DHX16: variants seen among roughly 807,000 people sequenced by gnomAD.
DHX16 encodes DEAH-box helicase 16, also known as pre-mRNA-splicing factor ATP-dependent RNA helicase DHX16.
In DHX16, 81 loss-of-function variants were observed where a neutral mutation model predicts 131.2. The ratio of observed to expected loss-of-function variants is 0.62; its 90% CI spans 0.52 to 0.74. The LOEUF (loss-of-function observed/expected upper bound fraction) is 0.74. Ranked by LOEUF, DHX16 falls within the 30% of genes least tolerant of loss-of-function variation. The pLI, the probability that DHX16 is intolerant of heterozygous loss-of-function variation, is 0.00. For missense variants in DHX16, 980 were observed against 1,363.1 expected (o/e 0.72, Z 4.43); for synonymous variants, 440 against 520.2 (o/e 0.85, Z 2.10).
At position 30,657,021 on chromosome 6, in the gene DHX16, C is replaced by A; in HGVS notation, c.2079G>T (p.Gly693=). Residue 693 remains glycine, a synonymous_variant, in exon 13 of 20, where the codon GGG becomes GGT. Transcript: ENST00000376442. The part of the protein sequence containing the change: ...IEGIIYVLDP[G]FCKQKSYNPR... ...GGTTGTAGCTCTTCTGCTTACAGAA[C>A]CCTGGATCCAGCACATAAATGATGC... 1 of 1,613,030 alleles carries A rather than the reference C, an allele frequency of 6.2e-7. No homozygotes were observed. Among genetic ancestry groups the A allele is most frequent in the Non-Finnish European group, 8.5e-7 (1 of 1,180,016 alleles).
chr6:30,670,811 G>T lies in DHX16; in HGVS notation c.588C>A (p.Val196=). The part of the protein sequence containing the change: ...RQRDKDRTRN[V]LERSDKKAYE... ...TCACCTTCTTGTCTGACCGTTCCAG[G>T]ACATTTCGAGTCCGATCCTTGTCCC... The change falls in exon 3 of 20, where the codon GTC becomes GTA. Residue 196 remains valine, a synonymous_variant. Coordinates refer to ENST00000376442, the MANE Select transcript of DHX16 (RefSeq NM_003587.5). The surrounding 1 kb of genome is among the most constrained non-coding windows in gnomAD (Gnocchi z 4.4). 6.2e-7 allele frequency: 1 copy of T among 1,612,928 alleles called. No individual in the cohort carries two copies. The highest frequency in any genetic ancestry group is 8.5e-7 in the Non-Finnish European group (1 of 1,180,016).
chr6:30,661,705 AT>A, intron 9 of DHX16: 2 of 713,166 alleles, frequency 2.8e-6, no homozygotes, highest in Non-Finnish European at 5.2e-6. Context: ...CCAGGAACTC[AT>A]CCCCATCTTC....
At position 30,672,617 on chromosome 6, in the gene DHX16, C is replaced by G. The variant is rs879175921; in HGVS notation, c.207+18G>C. 2 of 1,600,760 alleles carry G rather than the reference C, an allele frequency of 1.2e-6. No individual in the cohort carries two copies. Among genetic ancestry groups the G allele is most frequent in the South Asian group, 2.2e-5 (2 of 90,740 alleles). On this transcript the variant is annotated intron_variant, in intron 1 of 19. Transcript: ENST00000376442. ...CACCGGGACAAATCACAGGGCCCCT[C>G]CCCACCCCTGCCGACACCTTGTTCC...
intron 19 of DHX16, among the ~76,000 whole-genome samples, chr6:30,654,492 G>A (rs1476967553): frequency 6.6e-6 from 1 of 151,644 alleles, no homozygotes; most frequent in Non-Finnish European, 1.5e-5. Context: ...AGAGGTTGCA[G>A]TGAGGCTAGA....
At chr6:30,661,877 CAAGGGATATGAAGGATAAAATCCTA>C (rs1204584957) in intron 9 of DHX16, 8 of 717,906 alleles carry the variant, frequency 1.1e-5, no homozygotes, top group Non-Finnish European at 2.1e-5. Flanking sequence ...AGATCTTTTG[CAAGGGATATGAAGGATAAAATCCTA>C]TCTGTCCAAT....
intron 4 of DHX16, among the ~76,000 whole-genome samples, chr6:30,668,167 TAGAGATA>T (rs1769211928): frequency 6.6e-6 from 1 of 152,186 alleles, no homozygotes; most frequent in Non-Finnish European, 1.5e-5. Flanking sequence ...CTGATGTACT[TAGAGATA>T]AAACGCCATG....
intron 9 of DHX16, among the ~76,000 whole-genome samples, chr6:30,661,083 G>A (rs1370645026): frequency 6.7e-6 from 1 of 149,876 alleles, no homozygotes; most frequent in Non-Finnish European, 1.5e-5. Context: ...ATTTTTAGTA[G>A]AGACGGAGTT....
intron 7 of DHX16, 25 bp downstream of exon 7, chr6:30,664,776 A>C: frequency 6.3e-7 from 1 of 1,592,078 alleles, no homozygotes; most frequent in Non-Finnish European, 8.6e-7. Flanking sequence ...GTGCCCTGGC[A>C]AGCTGAAGGG....
chr6:30,660,314 G>T, intron 9 of DHX16, 72 bp from the exon 10 acceptor site: 1 of 1,236,324 alleles, frequency 8.1e-7, no homozygotes, highest in South Asian at 1.7e-5. Flanking sequence ...GAGTTAACTG[G>T]ATGAGAGGGG....
intron 7 of DHX16, among the ~76,000 whole-genome samples, chr6:30,664,346 G>A (rs927356427): frequency 3.6e-4 from 54 of 151,734 alleles, no homozygotes; most frequent in Admixed American, 9.8e-4. Context: ...GTGTGGTGGC[G>A]CATGCCTGTA....
In DHX16 at chr6:30,656,189, A is replaced by C; in HGVS notation, c.2498+9T>G. The stretch of plus-strand genomic sequence containing the variant: ...TGTGCTGGGGGCCCAGGTGGAGGCG[A>C]GGGCTTACTTCTCAGAGGCTAAGAT... On this transcript the variant is annotated intron_variant, in intron 16 of 19. Coordinates refer to ENST00000376442, the MANE Select transcript of DHX16 (RefSeq NM_003587.5). The surrounding 1 kb of genome is among the most constrained non-coding windows in gnomAD (Gnocchi z 5.1). 6.2e-7 allele frequency: 1 copy of C among 1,612,514 alleles called. No individual in the cohort carries two copies.
intron 19 of DHX16, among the ~76,000 whole-genome samples, chr6:30,654,024 C>CAGTG (rs1767718458): frequency 6.6e-6 from 1 of 152,052 alleles, no homozygotes; most frequent in South Asian, 2.1e-4. Context: ...GAGGCTGAGG[C>CAGTG]AGGGGAATCA....
rs147380148 is a variant in DHX16, at chr6:30,665,550, G to A, written c.850C>T (p.Arg284Trp). Residue 284 changes from arginine to tryptophan, a missense_variant, in exon 5 of 20, where the codon CGG becomes TGG. Physicochemically the swap from Arg to Trp is moderately radical, Grantham distance 101 (BLOSUM62 -3). Transcript: ENST00000376442. This position sits in a 1 kb window ranked among gnomAD's most constrained non-coding sequence, Gnocchi z 4.8. ...RRVRDLAREY[R>W]AAGEQEKLEA... The stretch of plus-strand genomic sequence containing the variant: ...AGCTTCTCCTGCTCCCCAGCTGCCC[G>A]GTACTCCCGGGCGAGATCCCGCACT... The A allele has an allele frequency of 1.1e-5, 17 of 1,613,046 alleles. No homozygotes were observed. Among genetic ancestry groups the A allele is most frequent in the Middle Eastern group, 3.3e-4 (2 of 6,062 alleles).
At chr6:30,654,914 A>G in intron 18 of DHX16, 35 bp from the exon 19 acceptor site, 1 of 1,594,488 alleles carries the variant, frequency 6.3e-7, no homozygotes, top group East Asian at 2.2e-5. Flanking sequence ...TCAATGGAAA[A>G]GGCAGACATC....
At chr6:30,660,011 C>T in intron 10 of DHX16, 21 bp downstream of exon 10, 9 of 1,610,442 alleles carry the variant, frequency 5.6e-6, no homozygotes, top group South Asian at 1.1e-5. Context: ...AGACTTAAGC[C>T]CATCCTCCCT....
At position 30,656,672 on chromosome 6, in the gene DHX16, C is replaced by T. The variant is rs1324064346; in HGVS notation, c.2236G>A (p.Glu746Lys). The change falls in exon 14 of 20, where the codon GAG becomes AAG. Residue 746 changes from glutamate (E) to lysine (K), a missense_variant. Physicochemically the swap from Glu to Lys is moderately conservative, Grantham distance 56. This residue lies in a region of DHX16 where 309 missense variants were observed against 537.1 expected (regional missense o/e 0.58). Transcript: ENST00000376442. The surrounding 1 kb of genome is among the most constrained non-coding windows in gnomAD (Gnocchi z 5.1). ...TCAGGCACTGTGGTTTCCTCAAGCTCGTGCTGATAGGCCCAGGCGGTATAC... is the reference window on the plus strand; with the variant it reads ...TCAGGCACTGTGGTTTCCTCAAGCTTGTGCTGATAGGCCCAGGCGGTATAC... ...RLYTAWAYQH[E>K]LEETTVPEIQ... 1 of 1,614,034 alleles carries T rather than the reference C, an allele frequency of 6.2e-7. No homozygotes were observed. The highest frequency in any genetic ancestry group is 8.5e-7 in the Non-Finnish European group (1 of 1,180,040).
At position 30,655,241 on chromosome 6, in the gene DHX16, T is replaced by C. The variant is rs373430789; in HGVS notation, c.2757A>G (p.Glu919=). Residue 919 remains glutamate, a synonymous_variant, in exon 18 of 20, where the codon GAA becomes GAG. Transcript: ENST00000376442. ...CAACTTCCACACGTTCCAAGAGCCC[T>C]TCCAGCTGTTCCCGCACATCCCGGG... ...RRARDVREQL[E]GLLERVEVGL... 2 of 1,614,090 alleles carry C rather than the reference T, an allele frequency of 1.2e-6. No homozygotes were observed. Among genetic ancestry groups the C allele is most frequent in the African/African-American group, 2.7e-5 (2 of 74,936 alleles).
In DHX16 at chr6:30,654,787, G is replaced by A; in HGVS notation, c.2916C>T (p.Pro972=). 1 of 1,613,072 alleles carries A rather than the reference G, an allele frequency of 6.2e-7. No homozygotes were observed. The highest frequency in any genetic ancestry group is 1.1e-5 in the South Asian group (1 of 91,078). ...VKQQQTVFIH[P]NSSLFEQQPR... ...GCTGTTGCTCAAAGAGGGAGGAGTT[G>A]GGATGAATGAAGACTGTCTGCTGCT... is the stretch of plus-strand genomic sequence containing the variant. The change falls in exon 19 of 20, where the codon CCC becomes CCT. Residue 972 remains proline, a synonymous_variant. Transcript: ENST00000376442.
intron 19 of DHX16, among the ~76,000 whole-genome samples, chr6:30,653,896 C>G (rs972144298): frequency 1.3e-5 from 2 of 152,008 alleles, no homozygotes. Context: ...CCGTGGCAGG[C>G]GGATCATGAG....
Sources: gnomAD v4.1 joint callset for allele counts (sites outside exome capture counted in the v4.1 genomes callset) on GRCh38, gnomAD v4.1.1 for gene constraint, gnomAD v4.1.1 regional missense constraint, Gnocchi (gnomAD v3.1) non-coding constraint, MANE v1.5 for transcripts, NCBI Gene and HGNC (gene_info 2026-07-23, HGNC 2026-07-21) for gene names.